The following TSPAN32 variants were observed in gnomAD, a reference collection of about 807,000 sequenced individuals.
The protein encoded by TSPAN32 is tetraspanin-32.
A neutral mutation model predicts 42.7 loss-of-function variants in TSPAN32; 47 were observed. The observed-to-expected ratio is 1.10, with a 90% confidence interval of 0.87 to 1.40. TSPAN32 has a LOEUF of 1.40. TSPAN32 is among the 40% of genes most tolerant of loss of function. The pLI is 0.00. For missense variants in TSPAN32, 469 were observed against 424.1 expected (o/e 1.11, Z -0.93); for synonymous variants, 175 against 175.9 (o/e 0.99, Z 0.04).
rs764681463 is a variant in TSPAN32 at position 2,317,315 on chromosome 11, C to T, written c.720-29C>T. 16 of 1,553,790 alleles carry T rather than the reference C, an allele frequency of 1.0e-5. No homozygotes were observed. The highest frequency in any genetic ancestry group is 1.4e-5 in the Non-Finnish European group (16 of 1,143,886). ...ACAGGTCCCCTGTAGAACATTCCACCACAGCCCCATGATCCCCTTGCTCCT... is the reference window on the plus strand; with the variant it reads ...ACAGGTCCCCTGTAGAACATTCCACTACAGCCCCATGATCCCCTTGCTCCT... On this transcript the variant is annotated intron_variant, in intron 8 of 9. Transcript: ENST00000182290. The surrounding 1 kb of genome is among the most constrained non-coding windows in gnomAD (Gnocchi z 6.2).
intron 8 of TSPAN32, among the ~76,000 whole-genome samples, 195 bp downstream of exon 8, chr11:2,316,862 G>A (rs1020760714): frequency 5.3e-5 from 8 of 152,152 alleles, no homozygotes; most frequent in Middle Eastern, 3.4e-3. Flanking sequence ...CCAATGCACC[G>A]CACCCCATGG....
intron 6 of TSPAN32, chr11:2,315,160 T>TGCC: frequency 7.1e-5 from 46 of 646,418 alleles, no homozygotes; most frequent in Non-Finnish European, 9.0e-5. Context: ...CCGGCAGCCC[T>TGCC]CCCCCAGCCC....
chr11:2,305,697 A>G (rs970995345), intron 3 of TSPAN32, among the ~76,000 whole-genome samples: 4 of 152,192 alleles, frequency 2.6e-5, no homozygotes, highest in Non-Finnish European at 5.9e-5. Flanking sequence ...GTCCCCAGCC[A>G]GCCCCAAGGC....
At chr11:2,315,747 G>A (rs1405890005) in intron 6 of TSPAN32, 5 of 1,242,602 alleles carry the variant, frequency 4.0e-6, no homozygotes, top group Non-Finnish European at 5.2e-6. Context: ...GCCATGCCCT[G>A]GGGTGGCACT....
In TSPAN32 at chr11:2,317,775, C is replaced by T. The variant is rs2046975272; in HGVS notation, c.902-88C>T. The T allele has an allele frequency of 1.3e-6, 2 of 1,564,644 alleles. No homozygotes were observed. On this transcript the variant is annotated intron_variant, in intron 9 of 9. Coordinates refer to ENST00000182290, the MANE Select transcript of TSPAN32 (RefSeq NM_139022.3). The surrounding 1 kb of genome is among the most constrained non-coding windows in gnomAD (Gnocchi z 6.2). ...GGCCCACGGCCTGGAGGGCTCCACC[C>T]AGACACAAGCTGCACTGGTTTTCTA...
chr11:2,310,319 C>T (rs550013958), intron 4 of TSPAN32, among the ~76,000 whole-genome samples: 1 of 152,332 alleles, frequency 6.6e-6, no homozygotes, highest in South Asian at 2.1e-4. Context: ...CAGCTGGGGC[C>T]TGCTCTCCAG....
At chr11:2,314,753 G>A (rs1564966030) in intron 6 of TSPAN32, 182 bp downstream of exon 6, 2 of 600,366 alleles carry the variant, frequency 3.3e-6, no homozygotes, top group Non-Finnish European at 5.9e-6. Flanking sequence ...TAGGGTTCAT[G>A]GTACGCCAAG....
chr11:2,307,850 AGGTGAGG>A (rs1344223145), intron 3 of TSPAN32, among the ~76,000 whole-genome samples: 1 of 152,068 alleles, frequency 6.6e-6, no homozygotes, highest in African/African-American at 2.4e-5. Context: ...AGAGAAAGTG[AGGTGAGG>A]GAGGTGGGCT....
At chr11:2,311,320 C>T (rs552543697) in intron 4 of TSPAN32, among the ~76,000 whole-genome samples, 7 of 152,264 alleles carry the variant, frequency 4.6e-5, no homozygotes, top group Non-Finnish European at 7.4e-5. Context: ...GATGCTCATG[C>T]GGGCAGGAGG....
At chr11:2,315,005 A>G in intron 6 of TSPAN32, 3 of 182,268 alleles carry the variant, frequency 1.6e-5, no homozygotes, top group South Asian at 5.1e-5. Context: ...GGGCATCAGA[A>G]GGAGTTGAAG....
chr11:2,302,630 G>C, intron 1 of TSPAN32: 1 of 586,452 alleles, frequency 1.7e-6, no homozygotes, highest in South Asian at 2.0e-5. Context: ...GCGTGTATGC[G>C]TCTACCATGT....
At chr11:2,306,399 T>G (rs1228182278) in intron 3 of TSPAN32, among the ~76,000 whole-genome samples, 1 of 152,074 alleles carries the variant, frequency 6.6e-6, no homozygotes, top group African/African-American at 2.4e-5. Flanking sequence ...ATCTATTTAT[T>G]TATTTCCATT....
chr11:2,318,067 C>A lies in TSPAN32; in HGVS notation c.*143C>A. On this transcript the variant is annotated 3_prime_UTR_variant, in exon 10 of 10. Coordinates refer to ENST00000182290, the MANE Select transcript of TSPAN32 (RefSeq NM_139022.3). The surrounding 1 kb of genome is among the most constrained non-coding windows in gnomAD (Gnocchi z 4.2). Reference sequence around the variant, plus strand: ...GTCCTTGTCCCTGGTCCTGTGGTCCCTCCACCTTCAAACCAGCAATGGTGC... The same window carrying A: ...GTCCTTGTCCCTGGTCCTGTGGTCCATCCACCTTCAAACCAGCAATGGTGC... The A allele has an allele frequency of 1.7e-6, 1 of 586,762 alleles. No homozygotes were observed. Among genetic ancestry groups the A allele is most frequent in the South Asian group, 2.2e-5 (1 of 45,960 alleles). 36.3% of individuals were successfully genotyped at this position (586,762 alleles called of 1,614,324 possible).
At chr11:2,315,534 C>T in intron 6 of TSPAN32, 1 of 1,161,972 alleles carries the variant, frequency 8.6e-7, no homozygotes, top group Non-Finnish European at 1.1e-6. Context: ...TCCTGGGGAG[C>T]CGGAAGAGCC....
intron 4 of TSPAN32, among the ~76,000 whole-genome samples, chr11:2,311,834 C>A (rs1171651223): frequency 6.6e-6 from 1 of 152,248 alleles, no homozygotes; most frequent in Non-Finnish European, 1.5e-5. Context: ...TCCTTCAGAG[C>A]CCCCAGAGCC....
chr11:2,315,445 C>T, intron 6 of TSPAN32: 1 of 1,132,186 alleles, frequency 8.8e-7, no homozygotes. Context: ...ACTGAAAAGG[C>T]CCCCGACTGA....
chr11:2,312,804 T>C (rs1375853502), intron 4 of TSPAN32, among the ~76,000 whole-genome samples: 1 of 152,084 alleles, frequency 6.6e-6, no homozygotes, highest in East Asian at 1.9e-4. Flanking sequence ...ACTGTCAGCA[T>C]GGCATTTGGG....
intron 2 of TSPAN32, chr11:2,303,332 T>C (rs1245458067): frequency 6.4e-6 from 1 of 156,844 alleles, no homozygotes; most frequent in South Asian, 9.1e-5. Flanking sequence ...GGGCTCCACA[T>C]GGCTGATGTT....
chr11:2,312,249 C>T (rs764962293), intron 4 of TSPAN32, among the ~76,000 whole-genome samples: 12 of 152,284 alleles, frequency 7.9e-5, no homozygotes, highest in East Asian at 7.7e-4. Context: ...AGGGGAGGTC[C>T]GAGCCAACCC....
Sources: allele counts gnomAD v4.1 joint callset (sites outside exome capture counted in the v4.1 genomes callset), GRCh38; gene constraint gnomAD v4.1.1; non-coding constraint Gnocchi (gnomAD v3.1); transcripts MANE v1.5; gene names NCBI Gene and HGNC (gene_info 2026-07-23, HGNC 2026-07-21).